Variants in CNTN4 observed in about 807,000 individuals in gnomAD.
CNTN4 encodes the protein contactin 4, also known as contactin-4.
A neutral mutation model predicts 122.5 loss-of-function variants in CNTN4; 77 were observed. The observed-to-expected ratio is 0.63, with a 90% confidence interval of 0.52 to 0.76. The LOEUF (loss-of-function observed/expected upper bound fraction) is 0.76. Ranked by LOEUF, CNTN4 falls within the 30% of genes least tolerant of loss-of-function variation. CNTN4 has a pLI of 0.00. For missense variants in CNTN4, 1,256 were observed against 1,259.1 expected, an observed-to-expected ratio of 1.00 and a Z score of 0.04; for synonymous variants, 512 against 447.0, an observed-to-expected ratio of 1.15 and a Z score of -1.83.
intron 14 of CNTN4, among the ~76,000 whole-genome samples, chr3:3,002,660 G>A (rs1209167442): frequency 6.6e-6 from 1 of 152,102 alleles, no homozygotes; most frequent in Non-Finnish European, 1.5e-5. Flanking sequence ...GCCTTTAATC[G>A]AGAAAATGAA....
chr3:2,617,775 T>C (rs531561561), intron 4 of CNTN4, among the ~76,000 whole-genome samples: 5 of 152,174 alleles, frequency 3.3e-5, no homozygotes, highest in African/African-American at 9.6e-5. Context: ...ATTCAAGGAA[T>C]ACAAGGATTC....
intron 2 of CNTN4, among the ~76,000 whole-genome samples, chr3:2,137,007 TG>T (rs972759836): frequency 1.3e-5 from 2 of 152,196 alleles, no homozygotes; most frequent in Non-Finnish European, 2.9e-5. Flanking sequence ...AAGACATTTG[TG>T]ACATAACAAA....
intron 3 of CNTN4, among the ~76,000 whole-genome samples, chr3:2,362,003 C>G (rs1263763582): frequency 6.6e-6 from 1 of 152,060 alleles, no homozygotes; most frequent in Non-Finnish European, 1.5e-5. Flanking sequence ...GGAAAAGTTC[C>G]ATTTAAGTAG....
intron 13 of CNTN4, among the ~76,000 whole-genome samples, chr3:2,933,059 T>A (rs1164565896): frequency 2.0e-5 from 3 of 152,078 alleles, no homozygotes; most frequent in Non-Finnish European, 4.4e-5. Context: ...CCTGACCTCG[T>A]GATCCGCCCG....
intron 2 of CNTN4, among the ~76,000 whole-genome samples, chr3:2,266,741 C>T (rs1227251819): frequency 6.6e-6 from 1 of 151,970 alleles, no homozygotes; most frequent in Non-Finnish European, 1.5e-5. Flanking sequence ...TTGGAAATAC[C>T]ACAATGTTGG....
At chr3:3,051,315 C>G (rs1354385093) in intron 23 of CNTN4, among the ~76,000 whole-genome samples, 2 of 152,176 alleles carry the variant, frequency 1.3e-5, no homozygotes, top group Admixed American at 6.5e-5. Flanking sequence ...TCAATCAGCT[C>G]AAGCAAGTGT....
intron 7 of CNTN4, among the ~76,000 whole-genome samples, chr3:2,831,452 A>G (rs2093102919): frequency 6.6e-6 from 1 of 152,224 alleles, no homozygotes; most frequent in Non-Finnish European, 1.5e-5. Flanking sequence ...AACTCAAAGA[A>G]ATGTTTAATG....
chr3:2,527,155 G>T (rs1302189185), intron 3 of CNTN4, among the ~76,000 whole-genome samples: 1 of 152,172 alleles, frequency 6.6e-6, no homozygotes. Context: ...GTTGAGCAGA[G>T]ATCTTAGCCA....
At chr3:2,481,562 G>A (rs1264720753) in intron 3 of CNTN4, among the ~76,000 whole-genome samples, 1 of 152,068 alleles carries the variant, frequency 6.6e-6, no homozygotes, top group African/African-American at 2.4e-5. Context: ...AACCCAAAAT[G>A]GATCAAAGAC....
At chr3:2,344,363 C>A (rs1475784172) in intron 3 of CNTN4, among the ~76,000 whole-genome samples, 1 of 150,876 alleles carries the variant, frequency 6.6e-6, no homozygotes, top group East Asian at 2.0e-4. Context: ...GCAACCTCTA[C>A]CTCCTTCCTG....
At chr3:2,576,267 T>G (rs1216904770) in intron 4 of CNTN4, among the ~76,000 whole-genome samples, 1 of 152,210 alleles carries the variant, frequency 6.6e-6, no homozygotes, top group Non-Finnish European at 1.5e-5. Context: ...TGCAATTCAA[T>G]AAATATTTTT....
chr3:2,150,470 G>A (rs1359070426), intron 2 of CNTN4, among the ~76,000 whole-genome samples: 1 of 152,072 alleles, frequency 6.6e-6, no homozygotes, highest in African/African-American at 2.4e-5. Context: ...TAGGACATAT[G>A]TTTTTCTATT....
At chr3:2,858,612 A>G (rs2093640305) in intron 7 of CNTN4, among the ~76,000 whole-genome samples, 1 of 152,048 alleles carries the variant, frequency 6.6e-6, no homozygotes, top group Admixed American at 6.5e-5. Context: ...CTGTGGTCCC[A>G]CTTGGGAGGC....
chr3:2,662,610 G>T (rs138209884), intron 4 of CNTN4, among the ~76,000 whole-genome samples: 2 of 152,130 alleles, frequency 1.3e-5, no homozygotes, highest in Non-Finnish European at 2.9e-5. Context: ...ATGGGGAAAG[G>T]GTTTGGTAAG....
intron 12 of CNTN4, among the ~76,000 whole-genome samples, chr3:2,914,140 C>T (rs62232779): frequency 1.3e-5 from 2 of 151,766 alleles, no homozygotes; most frequent in South Asian, 4.2e-4. Context: ...CCAAAACTTA[C>T]GGATGCAGCA....
At chr3:2,301,502 G>C (rs753797491) in intron 2 of CNTN4, among the ~76,000 whole-genome samples, 5 of 152,160 alleles carry the variant, frequency 3.3e-5, no homozygotes, top group Non-Finnish European at 5.9e-5. Context: ...TCTGTTCCCA[G>C]ACCACAGAAT....
intron 3 of CNTN4, among the ~76,000 whole-genome samples, chr3:2,556,403 G>A (rs1260819678): frequency 2.0e-5 from 3 of 152,164 alleles, no homozygotes; most frequent in South Asian, 2.1e-4. Flanking sequence ...GTTATTTCAC[G>A]AAGTTATCCT....
chr3:2,243,709 TCAATGATAAGGGCAAAATGA>T (rs2040028621), intron 2 of CNTN4, among the ~76,000 whole-genome samples: 1 of 152,062 alleles, frequency 6.6e-6, no homozygotes, highest in South Asian at 2.1e-4. Context: ...AATGCTTTTC[TCAATGATAAGGGCAAAATGA>T]AAATTCTGAG....
At chr3:3,053,998 C>T (rs1258866465) in intron 24 of CNTN4, 23 bp downstream of exon 24, 1 of 1,612,532 alleles carries the variant, frequency 6.2e-7, no homozygotes, top group South Asian at 1.1e-5. Flanking sequence ...TTTTTTCTCC[C>T]TTTTCTCCTG....
Sources: gnomAD v4.1 joint callset for allele counts (sites outside exome capture counted in the v4.1 genomes callset) on GRCh38, gnomAD v4.1.1 for gene constraint, MANE v1.5 for transcripts, NCBI Gene and HGNC (gene_info 2026-07-23, HGNC 2026-07-21) for gene names.